DPYSL4: variants seen among roughly 807,000 people sequenced by gnomAD.
DPYSL4 encodes the protein dihydropyrimidinase-related protein 4.
A neutral mutation model predicts 63.4 loss-of-function variants in DPYSL4; 43 were observed. The ratio of observed to expected loss-of-function variants is 0.68; its 90% CI spans 0.53 to 0.88. The LOEUF is 0.88. Ranked by LOEUF, DPYSL4 falls within the 40% of genes least tolerant of loss-of-function variation. DPYSL4 has a pLI of 0.00. For missense variants in DPYSL4, 733 were observed against 819.5 expected (o/e 0.89, Z 1.29); for synonymous variants, 353 against 331.7 (o/e 1.06, Z -0.70).
At chr10:132,202,469 AG>A (rs554678744) in intron 11 of DPYSL4, among the ~76,000 whole-genome samples, 176 bp from the exon 12 acceptor site, 12 of 152,068 alleles carry the variant, frequency 7.9e-5, no homozygotes, top group African/African-American at 2.9e-4. Context: ...CCGTAGGCCG[AG>A]GGGGGGCATT....
chr10:132,202,363 C>T (rs1169503610), intron 11 of DPYSL4, among the ~76,000 whole-genome samples: 10 of 152,242 alleles, frequency 6.6e-5, no homozygotes, highest in East Asian at 3.9e-4. Context: ...AGAGCGGTGC[C>T]GTGTGCACCT....
chr10:132,196,770 C>A, intron 4 of DPYSL4, 91 bp from the exon 5 acceptor site: 1 of 1,461,368 alleles, frequency 6.8e-7, no homozygotes, highest in Non-Finnish European at 9.5e-7. Context: ...GGGCCCAAGA[C>A]CCCCAACCCT....
At chr10:132,192,199 C>T (rs1333147179) in intron 2 of DPYSL4, 9 of 527,050 alleles carry the variant, frequency 1.7e-5, no homozygotes, top group African/African-American at 8.3e-5. Context: ...GTCAGAGCCC[C>T]GGCCTTTGGT....
Position 132,202,128 on chromosome 10 carries a change from C to T in DPYSL4, c.1281+12C>T, listed in dbSNP as rs369483497. 136 of 1,608,122 alleles carry T rather than the reference C, an allele frequency of 8.5e-5. No individual in the cohort carries two copies. Among genetic ancestry groups the T allele is most frequent in the Middle Eastern group, 1.7e-4 (1 of 5,994 alleles). On this transcript the variant is annotated intron_variant, in intron 11 of 13. Coordinates refer to ENST00000338492, the MANE Select transcript of DPYSL4 (RefSeq NM_006426.3). Reference sequence around the variant, plus strand: ...AGACCCACAATCTGGTAAGAGAAGGCGGCTGTAAGTCAGGGTTGGCCTTTG... The same window carrying T: ...AGACCCACAATCTGGTAAGAGAAGGTGGCTGTAAGTCAGGGTTGGCCTTTG...
At chr10:132,187,427 G>C (rs2061817163) in intron 1 of DPYSL4, among the ~76,000 whole-genome samples, 1 of 151,646 alleles carries the variant, frequency 6.6e-6, no homozygotes, top group South Asian at 2.1e-4. Context: ...CTGCGCCCGG[G>C]GAGAACCCGG....
intron 1 of DPYSL4, among the ~76,000 whole-genome samples, chr10:132,189,043 C>G (rs949024994): frequency 5.3e-5 from 8 of 152,248 alleles, no homozygotes; most frequent in Non-Finnish European, 7.3e-5. Flanking sequence ...CCTTCTCATT[C>G]TGAGAGTTTT....
chr10:132,189,608 T>C (rs1396587401), intron 1 of DPYSL4, among the ~76,000 whole-genome samples: 4 of 152,160 alleles, frequency 2.6e-5, no homozygotes, highest in African/African-American at 9.6e-5. Context: ...CCCCATCTCT[T>C]CCCCATCACC....
chr10:132,186,994 T>TCCCCC lies in DPYSL4; in HGVS notation c.-68_-64dup. 1 of 217,372 alleles carries TCCCCC rather than the reference T, an allele frequency of 4.6e-6. No individual in the cohort carries two copies. The highest frequency in any genetic ancestry group is 9.1e-6 in the Non-Finnish European group (1 of 109,622). The allele number at this position is 217,372 out of a possible 1,614,324, so 13.5% of individuals were successfully genotyped here. On this transcript the variant is annotated 5_prime_UTR_variant, in exon 1 of 14. Transcript: ENST00000338492. ...CCACGCACGCGTCCCGGCTCACGCG[T>TCCCCC]CCCCCCGCCCGCCCGCCCGCCCGCC...
intron 1 of DPYSL4, among the ~76,000 whole-genome samples, chr10:132,188,714 C>T (rs1180282573): frequency 2.0e-5 from 3 of 152,268 alleles, no homozygotes; most frequent in Non-Finnish European, 2.9e-5. Flanking sequence ...GCCAGGAAAG[C>T]AGTCCTGGAC....
intron 13 of DPYSL4, among the ~76,000 whole-genome samples, 167 bp downstream of exon 13, chr10:132,204,094 A>C (rs1449000284): frequency 1.3e-5 from 2 of 151,838 alleles, no homozygotes; most frequent in Non-Finnish European, 2.9e-5. Context: ...CCAAGGGCTG[A>C]GCCCAGTTAG....
chr10:132,199,374 G>C (rs1003012198), intron 8 of DPYSL4, among the ~76,000 whole-genome samples: 1 of 152,182 alleles, frequency 6.6e-6, no homozygotes, highest in Non-Finnish European at 1.5e-5. Context: ...CAGCCAGCTG[G>C]AGCCTGGCAC....
chr10:132,202,812 A>C lies in DPYSL4; in HGVS notation c.1448A>C (p.Lys483Thr), dbSNP rs1172620512. 6.2e-7 allele frequency: 1 copy of C among 1,600,734 alleles called. No homozygotes were observed. The highest frequency in any genetic ancestry group is 1.7e-5 in the Admixed American group (1 of 59,230). ...TFPDFVYKRIKARNRLAEIHG... is the reference protein window; with the variant it reads ...TFPDFVYKRITARNRLAEIHG... Reference sequence around the variant, plus strand: ...CCGGACTTTGTCTACAAGAGGATCAAAGCTCGCAACAGGGTAGGGCGGCAC... The same window carrying C: ...CCGGACTTTGTCTACAAGAGGATCACAGCTCGCAACAGGGTAGGGCGGCAC... Residue 483 changes from lysine (K) to threonine (T), a missense_variant, in exon 12 of 14, where the codon AAA (lysine) becomes ACA (threonine). Coordinates refer to ENST00000338492, the MANE Select transcript of DPYSL4 (RefSeq NM_006426.3).
At chr10:132,203,675 G>A (rs1325395517) in intron 12 of DPYSL4, 87 bp from the exon 13 acceptor site, 2 of 1,245,654 alleles carry the variant, frequency 1.6e-6, no homozygotes, top group Non-Finnish European at 2.2e-6. Context: ...AGCTGCCCAT[G>A]CTCAGCCCCT....
intron 2 of DPYSL4, chr10:132,192,220 G>T (rs1401666671): frequency 5.6e-6 from 4 of 712,088 alleles, no homozygotes; most frequent in African/African-American, 1.9e-5. Context: ...GAGGGCAGAG[G>T]TATGTTGGGT....
chr10:132,190,725 T>G (rs749807691), intron 1 of DPYSL4, 22 bp from the exon 2 acceptor site: 1 of 1,604,312 alleles, frequency 6.2e-7, no homozygotes, highest in Non-Finnish European at 8.5e-7. Flanking sequence ...GGAGAAAAAT[T>G]ACCCTTTGTT....
At chr10:132,204,593 G>A (rs534518424) in intron 13 of DPYSL4, among the ~76,000 whole-genome samples, 12 of 152,138 alleles carry the variant, frequency 7.9e-5, no homozygotes, top group Non-Finnish European at 1.6e-4. Flanking sequence ...GACAGGAAGG[G>A]CTTCCTGCAG....
intron 3 of DPYSL4, 133 bp from the exon 4 acceptor site, chr10:132,194,712 G>C (rs534982306): frequency 9.0e-7 from 1 of 1,112,596 alleles, no homozygotes; most frequent in African/African-American, 1.6e-5. Context: ...CTCAGGGGCC[G>C]GTGGCCTCTG....
At chr10:132,201,200 G>GC (rs906984262) in intron 10 of DPYSL4, among the ~76,000 whole-genome samples, 1 of 152,144 alleles carries the variant, frequency 6.6e-6, no homozygotes, top group African/African-American at 2.4e-5. Context: ...GCAGCTGGTA[G>GC]CCCCCCACCC....
In DPYSL4 at chr10:132,198,964, G is replaced by T; in HGVS notation, c.804G>T (p.Lys268Asn). ...CGGCCGACGCCATCGCTCAGGCCAA[G>T]CGCAGAGGTGAGCACCCAGCCCCGC... ...KGAADAIAQA[K>N]RRGVVVFGEP... The change falls in exon 8 of 14, where the codon AAG becomes AAT. Residue 268 changes from lysine (K) to asparagine (N), a missense_variant. Coordinates refer to ENST00000338492, the MANE Select transcript of DPYSL4 (RefSeq NM_006426.3). 1 of 1,609,300 alleles carries T rather than the reference G, an allele frequency of 6.2e-7. No individual in the cohort carries two copies. Among genetic ancestry groups the T allele is most frequent in the Non-Finnish European group, 8.5e-7 (1 of 1,177,828 alleles).
Sources: gnomAD v4.1 joint callset for allele counts (sites outside exome capture counted in the v4.1 genomes callset) on GRCh38, gnomAD v4.1.1 for gene constraint, MANE v1.5 for transcripts, NCBI Gene and HGNC (gene_info 2026-07-23, HGNC 2026-07-21) for gene names.